Variants in KLHL20 observed in about 807,000 individuals in gnomAD.
The protein encoded by KLHL20 is kelch-like protein 20.
Under a neutral mutation model 69.5 loss-of-function variants are expected in KLHL20, and 29 were observed. The ratio of observed to expected loss-of-function variants is 0.42; its 90% CI spans 0.31 to 0.57. The LOEUF is 0.57. KLHL20 is among the 20% of genes least tolerant of loss of function. The probability of loss-of-function intolerance (pLI) is 0.18; values close to 1 mark genes in which losing one functional copy is unlikely to be tolerated. For missense variants in KLHL20, 419 were observed against 776.0 expected (o/e 0.54, Z 5.47); for synonymous variants, 253 against 265.2 (o/e 0.95, Z 0.45).
intron 2 of KLHL20, among the ~76,000 whole-genome samples, chr1:173,719,318 T>C (rs1282557787): frequency 2.0e-5 from 3 of 151,262 alleles, no homozygotes; most frequent in African/African-American, 7.3e-5. Flanking sequence ...TGTGTAAGTA[T>C]AGAATAAGTT....
intron 5 of KLHL20, among the ~76,000 whole-genome samples, chr1:173,754,181 G>A (rs1673432831): frequency 6.6e-6 from 1 of 151,990 alleles, no homozygotes; most frequent in South Asian, 2.1e-4. Context: ...GAGGCTGGAG[G>A]GGATTTTAGA....
At chr1:173,726,188 G>A (rs1349533160) in intron 2 of KLHL20, among the ~76,000 whole-genome samples, 4 of 152,120 alleles carry the variant, frequency 2.6e-5, no homozygotes, top group East Asian at 3.9e-4. Flanking sequence ...AAGCAGCAGC[G>A]AGGCTGGGGG....
At position 173,757,297 on chromosome 1, in the gene KLHL20, TAC is replaced by T. The variant is rs1673593344; in HGVS notation, c.1151+142_1151+143del. The T allele has an allele frequency of 4.0e-6, 3 of 749,184 alleles. No homozygotes were observed. The African/African-American group carries it at 5.3e-5, about 13-fold the overall frequency. 46.4% of individuals were successfully genotyped at this position (749,184 alleles called of 1,614,324 possible). On this transcript the variant is annotated intron_variant, in intron 7 of 11. Coordinates refer to ENST00000209884, the MANE Select transcript of KLHL20 (RefSeq NM_014458.4). ...TGGCAACCTAAACAAGTTAGTATGA[TAC>T]ACAAATTCTTTATGATCTGGTCTCC...
chr1:173,739,490 C>G (rs1478029795), intron 3 of KLHL20, among the ~76,000 whole-genome samples: 2 of 151,852 alleles, frequency 1.3e-5, no homozygotes, highest in African/African-American at 4.8e-5. Context: ...TTGGTCTGTT[C>G]AGAGTTTCTG....
intron 2 of KLHL20, among the ~76,000 whole-genome samples, chr1:173,721,136 A>T (rs1671695923): frequency 6.6e-6 from 1 of 152,144 alleles, no homozygotes; most frequent in South Asian, 2.1e-4. Flanking sequence ...AAAATGAGTA[A>T]GAAGCTTTAC....
intron 8 of KLHL20, among the ~76,000 whole-genome samples, chr1:173,769,201 C>T (rs1443426607): frequency 6.6e-6 from 1 of 152,076 alleles, no homozygotes; most frequent in East Asian, 1.9e-4. Flanking sequence ...CAACTAAGTG[C>T]CAGAAGCATG....
At position 173,753,318 on chromosome 1, in the gene KLHL20, C is replaced by A; in HGVS notation, c.851+11C>A. 2 of 1,597,552 alleles carry A rather than the reference C, an allele frequency of 1.3e-6. No individual in the cohort carries two copies. The highest frequency in any genetic ancestry group is 1.1e-5 in the South Asian group (1 of 90,672). On this transcript the variant is annotated intron_variant, in intron 5 of 11. Coordinates refer to ENST00000209884, the MANE Select transcript of KLHL20 (RefSeq NM_014458.4). ...TGATGAAGAATGCAGGTATGAGTGA[C>A]CCTGGATGGGAAAAATCAACAACTA...
intron 2 of KLHL20, among the ~76,000 whole-genome samples, chr1:173,720,589 T>C (rs1205310355): frequency 1.3e-5 from 2 of 152,146 alleles, no homozygotes; most frequent in African/African-American, 2.4e-5. Context: ...GGGAAGAAAT[T>C]ATGGCAAGGA....
At position 173,753,228 on chromosome 1, in the gene KLHL20, C is replaced by T; in HGVS notation, c.772C>T (p.Arg258Cys). The change falls in exon 5 of 12, where the codon CGT becomes TGT. Residue 258 changes from arginine to cysteine, a missense_variant. By Grantham distance (180) the Arg-to-Cys change is radical (BLOSUM62 -3). This residue lies in a region of KLHL20 where 99 missense variants were observed against 240.7 expected (regional missense o/e 0.41). Coordinates refer to ENST00000209884, the MANE Select transcript of KLHL20 (RefSeq NM_014458.4). ...PQLPQVLQHV[R>C]LPLLSPKFLV... ...TTTCTCATAGGTGCTGCAGCATGTT[C>T]GTTTGCCTTTGCTTAGTCCCAAGTT... The T allele has an allele frequency of 6.2e-7, 1 of 1,613,596 alleles. No homozygotes were observed. Among genetic ancestry groups the T allele is most frequent in the Non-Finnish European group, 8.5e-7 (1 of 1,179,618 alleles).
At position 173,775,681 on chromosome 1, in the gene KLHL20, A is replaced by T. The variant is rs147125826; in HGVS notation, c.1477A>T (p.Met493Leu). ...AAACAGATGGCACACTATAGCCCCT[A>T]TGGGGACCCGGAGGAAACACCTAGG... ...QENRWHTIAP[M>L]GTRRKHLGCA... Residue 493 changes from methionine (M) to leucine (L), a missense_variant, in exon 10 of 12, where the codon ATG (methionine) becomes TTG (leucine). Met to Leu is a conservative substitution (Grantham distance 15). Around this residue, in one of 6 missense-constraint regions of KLHL20, gnomAD observed 56 missense variants for 75.9 expected, o/e 0.74. Transcript: ENST00000209884. The T allele has an allele frequency of 7.4e-6, 12 of 1,614,100 alleles. No homozygotes were observed. The highest frequency in any genetic ancestry group is 1.0e-5 in the Non-Finnish European group (12 of 1,180,024).
At chr1:173,774,909 C>A (rs1648358312) in intron 9 of KLHL20, among the ~76,000 whole-genome samples, 1 of 152,200 alleles carries the variant, frequency 6.6e-6, no homozygotes, top group African/African-American at 2.4e-5. Context: ...CTCCCGGACT[C>A]AAGCAATCCT....
intron 10 of KLHL20, among the ~76,000 whole-genome samples, chr1:173,779,284 C>T (rs1399562366): frequency 6.6e-6 from 1 of 150,552 alleles, no homozygotes; most frequent in Non-Finnish European, 1.5e-5. Context: ...TTATTTTTAT[C>T]TCATGTAGTT....
At position 173,785,291 on chromosome 1, in the gene KLHL20, G is replaced by T; in HGVS notation, c.*44G>T. ...TGTATATATTCCTCTGTATTCTGGG[G>T]AGCTTTGACCTTGGAGCTTTGTACA... On this transcript the variant is annotated 3_prime_UTR_variant, in exon 12 of 12. Coordinates refer to ENST00000209884, the MANE Select transcript of KLHL20 (RefSeq NM_014458.4). 5 of 1,428,206 alleles carry T rather than the reference G, an allele frequency of 3.5e-6. No individual in the cohort carries two copies. Among genetic ancestry groups the T allele is most frequent in the Non-Finnish European group, 4.8e-6 (5 of 1,045,756 alleles). 88.5% of individuals were successfully genotyped at this position (1,428,206 alleles called of 1,614,324 possible). A position where few individuals can be genotyped will look rare whatever the true frequency, so the allele number is the denominator to read the frequency against.
At chr1:173,765,374 G>A (rs1316230788) in intron 7 of KLHL20, among the ~76,000 whole-genome samples, 3 of 152,040 alleles carry the variant, frequency 2.0e-5, no homozygotes, top group Non-Finnish European at 2.9e-5. Flanking sequence ...GTGGTGGCGG[G>A]CGCCTGTAGT....
intron 7 of KLHL20, 92 bp from the exon 8 acceptor site, chr1:173,766,054 T>C (rs1647682337): frequency 1.0e-6 from 1 of 991,598 alleles, no homozygotes; most frequent in South Asian, 3.2e-5. Flanking sequence ...GGAAATAATA[T>C]ATATCATATA....
intron 4 of KLHL20, 122 bp downstream of exon 4, chr1:173,752,044 T>C: frequency 2.4e-6 from 2 of 816,394 alleles, no homozygotes. Flanking sequence ...GAGACCATCC[T>C]GGCCAACATG....
intron 3 of KLHL20, among the ~76,000 whole-genome samples, chr1:173,736,576 C>G (rs1333728959): frequency 6.6e-6 from 1 of 151,752 alleles, no homozygotes; most frequent in African/African-American, 2.4e-5. Context: ...CCCTTTTCAC[C>G]ACATCCATGC....
intron 3 of KLHL20, among the ~76,000 whole-genome samples, chr1:173,740,153 G>A (rs376391962): frequency 1.6e-3 from 215 of 134,556 alleles, no homozygotes; most frequent in Middle Eastern, 0.012. Flanking sequence ...ATGGAGTCTC[G>A]CTCTGTTGCC....
intron 2 of KLHL20, among the ~76,000 whole-genome samples, chr1:173,732,362 A>T (rs946612747): frequency 2.0e-5 from 3 of 152,210 alleles, no homozygotes; most frequent in African/African-American, 7.2e-5. Context: ...AACAAATGGT[A>T]GAATAATCTG....
Sources: allele counts gnomAD v4.1 joint callset (sites outside exome capture counted in the v4.1 genomes callset), GRCh38; gene constraint gnomAD v4.1.1; regional missense constraint gnomAD v4.1.1; transcripts MANE v1.5; gene names NCBI Gene and HGNC (gene_info 2026-07-23, HGNC 2026-07-21).